The following ASAP1 variants were observed in gnomAD, a reference collection of about 807,000 sequenced individuals.
ASAP1 encodes ArfGAP with SH3 domain, ankyrin repeat and PH domain 1.
In ASAP1, 43 loss-of-function variants were observed where a neutral mutation model predicts 145.2. The ratio of observed to expected loss-of-function variants is 0.30; its 90% CI spans 0.23 to 0.38. ASAP1 has a LOEUF of 0.38. Among genes scored for constraint, ASAP1 ranks in the 10% least tolerant of loss-of-function variants. The probability of loss-of-function intolerance (pLI) is 1.00; values close to 1 mark genes in which losing one functional copy is unlikely to be tolerated. For missense variants in ASAP1, 1,018 were observed against 1,355.3 expected (o/e 0.75, Z 3.91); for synonymous variants, 546 against 515.5 (o/e 1.06, Z -0.80).
At chr8:130,241,010 G>C (rs556277678) in intron 3 of ASAP1, among the ~76,000 whole-genome samples, 1 of 152,072 alleles carries the variant, frequency 6.6e-6, no homozygotes, top group African/African-American at 2.4e-5. Context: ...TTGAGACTTT[G>C]AGGACAAGGA....
At chr8:130,212,552 CAAGT>C (rs1816652698) in intron 5 of ASAP1, among the ~76,000 whole-genome samples, 1 of 151,864 alleles carries the variant, frequency 6.6e-6, no homozygotes, top group Admixed American at 6.6e-5. Context: ...GGTAAATGAA[CAAGT>C]TATATATCTC....
chr8:130,344,823 C>T (rs775700821), intron 3 of ASAP1, among the ~76,000 whole-genome samples: 73 of 152,010 alleles, frequency 4.8e-4, no homozygotes, highest in Admixed American at 2.6e-3. Flanking sequence ...GAGCTACTAG[C>T]GCAAAACAGA....
chr8:130,423,878 T>C (rs1455079678), intron 1 of ASAP1, among the ~76,000 whole-genome samples: 1 of 152,028 alleles, frequency 6.6e-6, no homozygotes, highest in African/African-American at 2.4e-5. Context: ...GAAAGTACTT[T>C]AAAGGTTATC....
intron 3 of ASAP1, among the ~76,000 whole-genome samples, chr8:130,306,105 G>C (rs931326662): frequency 6.6e-6 from 1 of 152,188 alleles, no homozygotes; most frequent in East Asian, 1.9e-4. Flanking sequence ...TCAGCAAGAA[G>C]GTTAACTAGT....
chr8:130,357,862 C>A, intron 3 of ASAP1, among the ~76,000 whole-genome samples, 155 bp downstream of exon 3: 1 of 152,346 alleles, frequency 6.6e-6, no homozygotes, highest in East Asian at 1.9e-4. Flanking sequence ...GGGAAGGCGC[C>A]GCCCGTCCGA....
At chr8:130,076,097 G>A (rs1296018622) in intron 27 of ASAP1, among the ~76,000 whole-genome samples, 1 of 152,184 alleles carries the variant, frequency 6.6e-6, no homozygotes. Flanking sequence ...GGTTCCTGGG[G>A]ATTATAATAA....
intron 2 of ASAP1, among the ~76,000 whole-genome samples, chr8:130,384,603 C>T (rs911130626): frequency 8.5e-5 from 13 of 152,148 alleles, no homozygotes; most frequent in African/African-American, 3.1e-4. Flanking sequence ...CTTGGCCTCC[C>T]GAGTAGCTGG....
chr8:130,115,474 A>T (rs1198985369), intron 23 of ASAP1, 154 bp downstream of exon 23: 1 of 648,972 alleles, frequency 1.5e-6, no homozygotes, highest in Non-Finnish European at 2.8e-6. Flanking sequence ...TAGCTGTTAA[A>T]TGGTGCCCAA....
At chr8:130,190,678 C>T (rs775230767) in intron 5 of ASAP1, among the ~76,000 whole-genome samples, 4 of 152,056 alleles carry the variant, frequency 2.6e-5, no homozygotes, top group Non-Finnish European at 4.4e-5. Flanking sequence ...TCACTACGTC[C>T]GGCCAATTCT....
intron 3 of ASAP1, among the ~76,000 whole-genome samples, chr8:130,257,631 A>C (rs1468343699): frequency 6.6e-6 from 1 of 152,216 alleles, no homozygotes; most frequent in African/African-American, 2.4e-5. Context: ...TGCGAAAAAA[A>C]GGGATCTACA....
At position 130,314,983 on chromosome 8, in the gene ASAP1, G is replaced by A. The variant is rs79290073; in HGVS notation, c.186+43034C>T. Among the ~76,000 whole-genome samples the A allele has an allele frequency of 7.8e-3, 1,185 of 152,192 alleles. 16 individuals carry two copies. The highest frequency in any genetic ancestry group is 0.027 in the African/African-American group (1,137 of 41,514). ...TAGCTGGGTGACCTTTCTGAATTTCGGTTACCGATTTGTAAATAAGTAACA... is the reference window on the plus strand; with the variant it reads ...TAGCTGGGTGACCTTTCTGAATTTCAGTTACCGATTTGTAAATAAGTAACA... On this transcript the variant is annotated intron_variant, in intron 3 of 29. Transcript: ENST00000518721.
intron 5 of ASAP1, among the ~76,000 whole-genome samples, chr8:130,197,115 T>C (rs1815548090): frequency 6.6e-6 from 1 of 152,240 alleles, no homozygotes; most frequent in African/African-American, 2.4e-5. Context: ...CCCATGCCAG[T>C]GTCAGTGGAT....
chr8:130,219,632 T>C (rs1817169300), intron 4 of ASAP1, among the ~76,000 whole-genome samples: 2 of 152,128 alleles, frequency 1.3e-5, no homozygotes, highest in South Asian at 2.1e-4. Flanking sequence ...TTTGGGCACA[T>C]AGTACAGTGG....
chr8:130,205,591 C>CTTTTTTTT (rs10679649), intron 5 of ASAP1, among the ~76,000 whole-genome samples: 2 of 119,220 alleles, frequency 1.7e-5, no homozygotes, highest in East Asian at 2.5e-4. Flanking sequence ...AAATACACGG[C>CTTTTTTTT]TTTTTTTTTT....
At position 130,074,486 on chromosome 8, in the gene ASAP1, C is replaced by CACACACACACAGAG. The variant is rs5895034; in HGVS notation, c.2701+1861_2701+1862insCTCTGTGTGTGTGT. Among the ~76,000 whole-genome samples, 14 of 140,586 alleles carry CACACACACACAGAG rather than the reference C, an allele frequency of 1.0e-4. 2 individuals carry two copies. Among genetic ancestry groups the CACACACACACAGAG allele is most frequent in the Middle Eastern group, 7.5e-3 (2 of 268 alleles). The allele number at this position is 140,586 out of a possible 152,430, so 92.2% of individuals were successfully genotyped here. A position where few individuals can be genotyped will look rare whatever the true frequency, so the allele number is the denominator to read the frequency against. On this transcript the variant is annotated intron_variant, in intron 27 of 29. Transcript: ENST00000518721. ...ACACACACACACACACACACACACA[C>CACACACACACAGAG]AGAGAGAACGAGAGTAGAGCAACGG...
intron 3 of ASAP1, among the ~76,000 whole-genome samples, chr8:130,295,512 G>T (rs953780864): frequency 1.3e-5 from 2 of 152,032 alleles, no homozygotes; most frequent in Non-Finnish European, 2.9e-5. Flanking sequence ...CAGGGATACG[G>T]GATAATAATA....
chr8:130,109,006 G>C (rs6996422), intron 24 of ASAP1, among the ~76,000 whole-genome samples: 73,510 of 151,568 alleles, frequency 0.48, 18,741 homozygotes, highest in East Asian at 0.69. Context: ...AACTCCCGAC[G>C]TCAGGTGATC....
At chr8:130,150,838 C>T (rs929382128) in intron 13 of ASAP1, among the ~76,000 whole-genome samples, 1 of 152,160 alleles carries the variant, frequency 6.6e-6, no homozygotes, top group Admixed American at 6.5e-5. Flanking sequence ...CGAGATCGTG[C>T]TACTGCATTC....
At chr8:130,143,817 G>A (rs2097619531) in intron 13 of ASAP1, among the ~76,000 whole-genome samples, 1 of 152,220 alleles carries the variant, frequency 6.6e-6, no homozygotes, top group South Asian at 2.1e-4. Context: ...TGCTGGAAGT[G>A]TAAAGTTGTT....
Sources: allele counts gnomAD v4.1 joint callset (sites outside exome capture counted in the v4.1 genomes callset), GRCh38; gene constraint gnomAD v4.1.1; transcripts MANE v1.5; gene names NCBI Gene and HGNC (gene_info 2026-07-23, HGNC 2026-07-21).